RNLS: variants seen among roughly 807,000 people sequenced by gnomAD.
The protein encoded by RNLS is renalase, FAD dependent amine oxidase.
Under a neutral mutation model 39.8 loss-of-function variants are expected in RNLS, and 39 were observed. The ratio of observed to expected loss-of-function variants is 0.98; its 90% confidence interval spans 0.76 to 1.28. The LOEUF (loss-of-function observed/expected upper bound fraction) is 1.28, where lower values mean the gene tolerates loss of function less well. Ranked by LOEUF, RNLS falls within the 50% of genes most tolerant of loss-of-function variation. RNLS has a pLI of 0.00. For missense variants in RNLS, 410 were observed against 413.3 expected (o/e 0.99, Z 0.07); for synonymous variants, 147 against 150.7 (o/e 0.98, Z 0.18).
intron 4 of RNLS, among the ~76,000 whole-genome samples, chr10:88,559,082 T>C (rs1165142552): frequency 1.3e-5 from 2 of 152,210 alleles, no homozygotes; most frequent in East Asian, 1.9e-4. Flanking sequence ...AAACGTCTTT[T>C]AGTAAAAGTA....
intron 4 of RNLS, among the ~76,000 whole-genome samples, chr10:88,456,886 A>C (rs1842659201): frequency 6.6e-6 from 1 of 152,202 alleles, no homozygotes; most frequent in African/African-American, 2.4e-5. Context: ...CTTAAGATTT[A>C]AAATGTTTTC....
chr10:88,259,362 A>C, the RNLS span: 1 of 152,250 alleles, frequency 6.6e-6, no homozygotes, highest in Non-Finnish European at 1.5e-5. Flanking sequence ...GGTACTTCAA[A>C]CAAAAAGAAA....
At chr10:88,179,459 A>G in the RNLS span, among the ~76,000 whole-genome samples, 3 of 152,172 alleles carry the variant, frequency 2.0e-5, no homozygotes, top group Admixed American at 2.0e-4. Context: ...AATACTGTAA[A>G]TAGTATTACT....
chr10:88,371,498 G>A (rs765536717), intron 4 of RNLS, among the ~76,000 whole-genome samples: 17 of 151,976 alleles, frequency 1.1e-4, no homozygotes, highest in Admixed American at 5.3e-4. Flanking sequence ...AAAGTATTTC[G>A]GGCAATAATT....
At chr10:88,461,069 C>T (rs1292653800) in intron 4 of RNLS, among the ~76,000 whole-genome samples, 1 of 152,062 alleles carries the variant, frequency 6.6e-6, no homozygotes, top group East Asian at 1.9e-4. Context: ...GAGAAACTTG[C>T]CCTGACCTCC....
intron 4 of RNLS, among the ~76,000 whole-genome samples, chr10:88,556,032 A>T (rs1302475387): frequency 6.6e-6 from 1 of 152,058 alleles, no homozygotes; most frequent in Non-Finnish European, 1.5e-5. Context: ...TCCCACTTGA[A>T]TCTCTATTAA....
chr10:88,206,428 T>C, the RNLS span, among the ~76,000 whole-genome samples: 1 of 152,142 alleles, frequency 6.6e-6, no homozygotes, highest in Non-Finnish European at 1.5e-5. Flanking sequence ...TTCAGTGTAT[T>C]AAAAATGCTA....
the RNLS span, among the ~76,000 whole-genome samples, chr10:88,239,800 G>A: frequency 3.3e-5 from 5 of 152,138 alleles, no homozygotes; most frequent in Non-Finnish European, 7.4e-5. Context: ...ATAATGGCTG[G>A]GACTTACATG....
chr10:88,362,507 C>A, intron 5 of RNLS, 45 bp downstream of exon 5: 2 of 1,544,302 alleles, frequency 1.3e-6, no homozygotes, highest in South Asian at 2.3e-5. Flanking sequence ...ATGATCTACA[C>A]CCACCATTGT....
chr10:88,318,138 G>A (rs1845902287), intron 5 of RNLS, among the ~76,000 whole-genome samples: 1 of 152,180 alleles, frequency 6.6e-6, no homozygotes, highest in Non-Finnish European at 1.5e-5. Flanking sequence ...GCCCTGCCCA[G>A]GGAATCTCTG....
intron 6 of RNLS, among the ~76,000 whole-genome samples, chr10:88,307,548 G>A (rs2312538): frequency 0.23 from 34,442 of 151,858 alleles, 4,469 homozygotes; most frequent in Non-Finnish European, 0.28. Flanking sequence ...TCAAGCCAAG[G>A]GCCAAATCAG....
At chr10:88,435,041 T>C (rs1855381824) in intron 4 of RNLS, among the ~76,000 whole-genome samples, 1 of 151,896 alleles carries the variant, frequency 6.6e-6, no homozygotes, top group South Asian at 2.1e-4. Flanking sequence ...AAGAGCACTT[T>C]GTAAAGGACA....
chr10:88,254,807 C>G, the RNLS span, among the ~76,000 whole-genome samples: 1 of 152,166 alleles, frequency 6.6e-6, no homozygotes, highest in Non-Finnish European at 1.5e-5. Flanking sequence ...GGATTTGAAC[C>G]CTGATCTTGT....
chr10:88,359,065 C>A (rs1434191064), intron 5 of RNLS, among the ~76,000 whole-genome samples: 1 of 152,092 alleles, frequency 6.6e-6, no homozygotes. Flanking sequence ...GTAATCCCAG[C>A]ACTTTGGGAG....
intron 2 of RNLS, among the ~76,000 whole-genome samples, 193 bp downstream of exon 2, chr10:88,582,009 A>G (rs1850606228): frequency 6.6e-6 from 1 of 152,272 alleles, no homozygotes; most frequent in Admixed American, 6.5e-5. Flanking sequence ...TGTATTTAGT[A>G]TATCAATTTT....
intron 5 of RNLS, among the ~76,000 whole-genome samples, chr10:88,335,184 T>C (rs929396639): frequency 2.0e-5 from 3 of 151,998 alleles, no homozygotes; most frequent in African/African-American, 7.2e-5. Flanking sequence ...TACTGGTACA[T>C]TGACTTTTTG....
At chr10:88,214,210 A>C in the RNLS span, among the ~76,000 whole-genome samples, 1 of 151,892 alleles carries the variant, frequency 6.6e-6, no homozygotes, top group South Asian at 2.1e-4. Flanking sequence ...AAAATCCTGA[A>C]TCTGCCTATC....
At chr10:88,309,401 A>G (rs759823774) in intron 6 of RNLS, 7 of 1,285,272 alleles carry the variant, frequency 5.4e-6, no homozygotes, top group Non-Finnish European at 7.1e-6. Context: ...AATTAATCTC[A>G]TGAGGGGATA....
At chr10:88,415,606 T>C (rs1013105019) in intron 4 of RNLS, among the ~76,000 whole-genome samples, 2 of 152,230 alleles carry the variant, frequency 1.3e-5, no homozygotes, top group African/African-American at 4.8e-5. Context: ...AGCAAATTAC[T>C]TGATCTCTTT....
Sources: gnomAD v4.1 joint callset for allele counts (sites outside exome capture counted in the v4.1 genomes callset) on GRCh38, gnomAD v4.1.1 for gene constraint, MANE v1.5 for transcripts, NCBI Gene and HGNC (gene_info 2026-07-23, HGNC 2026-07-21) for gene names.